Variants in PCDHA2 observed in about 807,000 individuals in gnomAD.
PCDHA2 encodes the protein protocadherin alpha-2.
PCDHA2 carries 58 observed loss-of-function variants against 66.0 expected under a neutral mutation model. The ratio of observed to expected loss-of-function variants is 0.88; its 90% confidence interval spans 0.71 to 1.09. The LOEUF is 1.09. Ranked by LOEUF, PCDHA2 falls within the 50% of genes least tolerant of loss-of-function variation. The pLI is 0.00. For missense variants in PCDHA2, 1,267 were observed against 1,242.3 expected (o/e 1.02, Z -0.30); for synonymous variants, 634 against 554.0 (o/e 1.14, Z -2.03).
intron 1 of PCDHA2, chr5:140,834,255 C>A: frequency 2.1e-6 from 2 of 936,844 alleles, no homozygotes; most frequent in Non-Finnish European, 3.2e-6. Context: ...TGGAAAGACG[C>A]TCCACTCTCT....
At chr5:140,841,877 A>G (rs2150324611) in intron 1 of PCDHA2, 1 of 1,613,820 alleles carries the variant, frequency 6.2e-7, no homozygotes. Flanking sequence ...GAATTCAAAG[A>G]ACGATGAGAA....
chr5:140,909,343 C>G (rs148713510), intron 1 of PCDHA2, among the ~76,000 whole-genome samples: 2 of 152,264 alleles, frequency 1.3e-5, no homozygotes, highest in African/African-American at 4.8e-5. Context: ...ATACCAGGTA[C>G]CAAGAGATGT....
chr5:140,808,345 C>T (rs1457386283), intron 1 of PCDHA2: 4 of 1,614,268 alleles, frequency 2.5e-6, no homozygotes, highest in Non-Finnish European at 3.4e-6. Context: ...GGCTGGTCAC[C>T]TGCTCCTTGA....
chr5:140,805,279 T>C (rs1763539905), intron 1 of PCDHA2: 60 of 1,278,380 alleles, frequency 4.7e-5, no homozygotes, highest in Non-Finnish European at 5.8e-5. Context: ...ATATTACAAA[T>C]GAAATGGGTG....
intron 1 of PCDHA2, chr5:140,807,333 C>G (rs1286013089): frequency 6.2e-7 from 1 of 1,613,466 alleles, no homozygotes; most frequent in African/African-American, 1.3e-5. Flanking sequence ...GGCCGCATCG[C>G]GCAGGACCTG....
chr5:140,929,225 C>T (rs1249117880), intron 1 of PCDHA2: 2 of 1,613,724 alleles, frequency 1.2e-6, no homozygotes, highest in Non-Finnish European at 1.7e-6. Flanking sequence ...TACAATGCTG[C>T]CGACCTGCGA....
intron 1 of PCDHA2, among the ~76,000 whole-genome samples, chr5:140,831,951 A>C (rs1771772559): frequency 6.6e-6 from 1 of 152,140 alleles, no homozygotes; most frequent in Admixed American, 6.6e-5. Context: ...GAAAAGAAAA[A>C]CTTTATGTCA....
chr5:140,957,523 T>G (rs987363578), intron 1 of PCDHA2, among the ~76,000 whole-genome samples: 1 of 152,156 alleles, frequency 6.6e-6, no homozygotes, highest in African/African-American at 2.4e-5. Context: ...TTTCAGACAT[T>G]CAGTGGGGAT....
rs142945176 is a variant in PCDHA2 at position 140,835,679 on chromosome 5, G to T, written c.2388+38327G>T. 2.3e-4 allele frequency: 379 copies of T among 1,613,738 alleles called. 3 individuals are homozygous for T. Among genetic ancestry groups the T allele is most frequent in the Non-Finnish European group, 3.0e-4 (359 of 1,179,882 alleles). On this transcript the variant is annotated intron_variant, in intron 1 of 3. Transcript: ENST00000526136. ...TGGTTACCGCGCGGGACGGGGGCTC[G>T]CCTTCTCTGTGGGCCACTGCTAGCG...
intron 1 of PCDHA2, chr5:140,841,814 A>G: frequency 6.2e-7 from 1 of 1,613,908 alleles, no homozygotes; most frequent in Non-Finnish European, 8.5e-7. Context: ...TGTTGGAGCT[A>G]ACTCCGTGTT....
At chr5:140,829,994 C>G (rs1554132448) in intron 1 of PCDHA2, 3 of 1,613,866 alleles carry the variant, frequency 1.9e-6, no homozygotes, top group Non-Finnish European at 2.5e-6. Flanking sequence ...CAGCACCACT[C>G]GTGTCCTGGA....
chr5:140,871,245 G>A, intron 1 of PCDHA2: 1 of 1,613,982 alleles, frequency 6.2e-7, no homozygotes, highest in Non-Finnish European at 8.5e-7. Flanking sequence ...TACTCACGCT[G>A]CTGCTGTATA....
chr5:140,977,364 A>G (rs967972541), intron 1 of PCDHA2, among the ~76,000 whole-genome samples: 2 of 152,206 alleles, frequency 1.3e-5, no homozygotes, highest in African/African-American at 4.8e-5. Flanking sequence ...GATAAAAAGT[A>G]TTTTAGTCAT....
At chr5:140,941,299 TC>T (rs1554214293) in intron 1 of PCDHA2, among the ~76,000 whole-genome samples, 2 of 144,342 alleles carry the variant, frequency 1.4e-5, no homozygotes, top group African/African-American at 2.5e-5. Context: ...TTTCTTTCTT[TC>T]TTTCTTTTTC....
Position 140,836,095 on chromosome 5 carries a change from G to A in PCDHA2, c.2388+38743G>A, listed in dbSNP as rs2150252666. ...CCGGCACTGCTGGCGCCTCGGGTGG[G>A]TGGCACTGGTGGCGCAGTGAGAGAG... On this transcript the variant is annotated intron_variant, in intron 1 of 3. Transcript: ENST00000526136. 1.9e-5 allele frequency: 30 copies of A among 1,613,576 alleles called. 1 individual carries two copies. The highest frequency in any genetic ancestry group is 3.3e-4 in the Middle Eastern group (2 of 6,084).
At chr5:140,830,211 T>C (rs2150182802) in intron 1 of PCDHA2, 1 of 1,613,792 alleles carries the variant, frequency 6.2e-7, no homozygotes, top group South Asian at 1.1e-5. Flanking sequence ...ATCTGCGCGG[T>C]ATCCAGCCTG....
chr5:141,005,563 A>G (rs938722871), intron 3 of PCDHA2, among the ~76,000 whole-genome samples: 4 of 151,458 alleles, frequency 2.6e-5, no homozygotes, highest in East Asian at 1.9e-4. Context: ...TTAGCCGGGC[A>G]TGGTGGCGCG....
chr5:140,969,680 G>A (rs2096353475), intron 1 of PCDHA2, among the ~76,000 whole-genome samples: 1 of 152,204 alleles, frequency 6.6e-6, no homozygotes, highest in African/African-American at 2.4e-5. Context: ...TGAGACTCAA[G>A]GAGAAATGGC....
At chr5:140,848,855 C>T (rs2150422696) in intron 1 of PCDHA2, 6 of 1,590,444 alleles carry the variant, frequency 3.8e-6, no homozygotes, top group Non-Finnish European at 5.2e-6. Context: ...TCCATGTGGA[C>T]GTGGAGGTGA....
Sources: gnomAD v4.1 joint callset for allele counts (sites outside exome capture counted in the v4.1 genomes callset) on GRCh38, gnomAD v4.1.1 for gene constraint, MANE v1.5 for transcripts, NCBI Gene and HGNC (gene_info 2026-07-23, HGNC 2026-07-21) for gene names.